ADIPOR1: variants seen among roughly 807,000 people sequenced by gnomAD.
ADIPOR1 encodes the protein adiponectin receptor 1.
ADIPOR1 carries 15 observed loss-of-function variants against 37.5 expected under a neutral mutation model. The ratio of observed to expected loss-of-function variants is 0.40; its 90% CI spans 0.27 to 0.62. The LOEUF is 0.62. Among genes scored for constraint, ADIPOR1 ranks in the 20% least tolerant of loss-of-function variants. The pLI, the probability that ADIPOR1 is intolerant of heterozygous loss-of-function variation, is 0.42. For synonymous variants in ADIPOR1, 173 were observed against 173.2 expected (o/e 1.00, Z 0.01); for missense variants, 286 against 478.0 (o/e 0.60, Z 3.75).
At chr1:202,953,373 A>G (rs1654657346) in intron 1 of ADIPOR1, among the ~76,000 whole-genome samples, 1 of 152,192 alleles carries the variant, frequency 6.6e-6, no homozygotes, top group Non-Finnish European at 1.5e-5. Context: ...AGTAACTTAG[A>G]TCAGGCTACC....
intron 6 of ADIPOR1, 21 bp downstream of exon 6, chr1:202,943,737 T>C: frequency 6.2e-7 from 1 of 1,611,174 alleles, no homozygotes; most frequent in South Asian, 1.1e-5. Flanking sequence ...CTCTGAGGTG[T>C]ACGTACATCT....
At chr1:202,945,200 A>T in intron 4 of ADIPOR1, 31 bp from the exon 5 acceptor site, 8 of 1,545,824 alleles carry the variant, frequency 5.2e-6, no homozygotes, top group Non-Finnish European at 7.0e-6. Context: ...AAAAACCTGT[A>T]AGAAAAAAGG....
At chr1:202,942,678 G>T (rs565983823) in intron 6 of ADIPOR1, among the ~76,000 whole-genome samples, 2 of 152,226 alleles carry the variant, frequency 1.3e-5, no homozygotes, top group East Asian at 3.9e-4. Context: ...TCCTGTAGCT[G>T]CTGGGACACA....
chr1:202,944,824 G>T, intron 5 of ADIPOR1, 159 bp downstream of exon 5: 1 of 641,450 alleles, frequency 1.6e-6, no homozygotes, highest in South Asian at 3.0e-5. Flanking sequence ...TAAGAGAAAA[G>T]CTTCATCACC....
intron 2 of ADIPOR1, among the ~76,000 whole-genome samples, chr1:202,949,448 C>T (rs936881843): frequency 5.3e-5 from 8 of 151,762 alleles, no homozygotes; most frequent in Admixed American, 2.0e-4. Flanking sequence ...GGCGAGGTGG[C>T]GGGCACCTGT....
chr1:202,953,200 A>T (rs989386460), intron 1 of ADIPOR1, among the ~76,000 whole-genome samples: 19 of 152,002 alleles, frequency 1.2e-4, no homozygotes, highest in Admixed American at 7.2e-4. Flanking sequence ...AGTACTACTG[A>T]ATCAGCAGCT....
intron 1 of ADIPOR1, among the ~76,000 whole-genome samples, chr1:202,955,512 C>T (rs1654748625): frequency 6.6e-6 from 1 of 150,960 alleles, no homozygotes; most frequent in African/African-American, 2.4e-5. Flanking sequence ...TGAGCCCTGA[C>T]AGACAGGCAA....
At position 202,943,937 on chromosome 1, in the gene ADIPOR1, T is replaced by C; in HGVS notation, c.626A>G (p.Tyr209Cys). 1 of 1,611,900 alleles carries C rather than the reference T, an allele frequency of 6.2e-7. No homozygotes were observed. Among genetic ancestry groups the C allele is most frequent in the Non-Finnish European group, 8.5e-7 (1 of 1,178,796 alleles). Residue 209 changes from tyrosine to cysteine, a missense_variant, in exon 6 of 8, where the codon TAT becomes TGT. By Grantham distance (194) the Tyr-to-Cys change is radical. Coordinates refer to ENST00000340990, the MANE Select transcript of ADIPOR1 (RefSeq NM_015999.6). ...CATAATTAGAAGAGCAATCCCTGAA[T>C]AGTCCAGTCTAAAAAGAACCACAAA... ...KVSRTFSKLD[Y>C]SGIALLIMGS...
chr1:202,950,266 A>C (rs1654516327), intron 2 of ADIPOR1, among the ~76,000 whole-genome samples: 1 of 151,440 alleles, frequency 6.6e-6, no homozygotes, highest in Non-Finnish European at 1.5e-5. Flanking sequence ...CCCGGCCCTG[A>C]TAGTCCCTTT....
rs978891606 is a variant in ADIPOR1, at chr1:202,949,998, C to T, written c.141+932G>A. 3.8e-4 allele frequency among the ~76,000 whole-genome samples: 58 copies of T among 151,898 alleles called. 1 individual carries two copies. The highest frequency in any genetic ancestry group is 3.9e-4 in the East Asian group (2 of 5,124). Reference sequence around the variant, plus strand: ...GTTTTTTCTGAGAGGGGGTTTCACTCGTTGCCCAGGCTGGAGTGCAATGGC... The same window carrying T: ...GTTTTTTCTGAGAGGGGGTTTCACTTGTTGCCCAGGCTGGAGTGCAATGGC... On this transcript the variant is annotated intron_variant, in intron 2 of 7. Transcript: ENST00000340990.
chr1:202,940,870 C>T lies in ADIPOR1; in HGVS notation c.*703G>A, dbSNP rs1371229953. On this transcript the variant is annotated 3_prime_UTR_variant, in exon 8 of 8. Transcript: ENST00000340990. ...TGTCTTCTGTACTTTCTTTTATTAA[C>T]ATCATAGTCTTTGCATCAAGATACA... 1 of 152,536 alleles carries T rather than the reference C, an allele frequency of 6.6e-6. No individual in the cohort carries two copies. Among genetic ancestry groups the T allele is most frequent in the African/African-American group, 2.4e-5 (1 of 41,418 alleles). The allele number at this position is 152,536 out of a possible 1,614,324, so 9.4% of individuals were successfully genotyped here.
At chr1:202,956,954 T>G (rs16850806) in intron 1 of ADIPOR1, among the ~76,000 whole-genome samples, 3,477 of 152,296 alleles carry the variant, frequency 0.023, 132 homozygotes, top group African/African-American at 0.079. Context: ...TACAATTAGG[T>G]ATAGTTTTGC....
At position 202,958,244 on chromosome 1, in the gene ADIPOR1, G is replaced by A. The variant is rs1654861908; in HGVS notation, c.-154C>T. On this transcript the variant is annotated 5_prime_UTR_variant, in exon 1 of 8. Coordinates refer to ENST00000340990, the MANE Select transcript of ADIPOR1 (RefSeq NM_015999.6). ...CCCCCGCGCTACATCCCGCGGCGCT[G>A]GAGGCGGCCTGCGGCCGAGCGGCCC... is the stretch of plus-strand genomic sequence containing the variant. The A allele has an allele frequency of 6.6e-6, 1 of 151,844 alleles. No homozygotes were observed. The highest frequency in any genetic ancestry group is 6.5e-5 in the Admixed American group (1 of 15,278). 9.4% of individuals were successfully genotyped at this position (151,844 alleles called of 1,614,324 possible). A position where few individuals can be genotyped will look rare whatever the true frequency, so the allele number is the denominator to read the frequency against.
At position 202,943,840 on chromosome 1, in the gene ADIPOR1, G is replaced by A. The variant is rs540762954; in HGVS notation, c.723C>T (p.Ile241=). The A allele has an allele frequency of 3.1e-6, 5 of 1,614,202 alleles. No homozygotes were observed. The highest frequency in any genetic ancestry group is 2.7e-5 in the African/African-American group (2 of 75,054). The change falls in exon 6 of 8, where the codon ATC becomes ATT. Residue 241 remains isoleucine (I), a synonymous_variant. Transcript: ENST00000340990. The part of the protein sequence containing the change: ...SPQPRLIYLS[I]VCVLGISAII... Reference sequence around the variant, plus strand: ...TGGCAGAAATGCCCAGGACACAGACGATGGAGAGGTAGATGAGCCGTGGCT... The same window carrying A: ...TGGCAGAAATGCCCAGGACACAGACAATGGAGAGGTAGATGAGCCGTGGCT...
intron 6 of ADIPOR1, 107 bp from the exon 7 acceptor site, chr1:202,942,325 G>T: frequency 9.4e-7 from 1 of 1,060,944 alleles, no homozygotes; most frequent in Non-Finnish European, 1.3e-6. Context: ...AGCTATTTTT[G>T]GATGAATAGT....
At position 202,953,329 on chromosome 1, in the gene ADIPOR1, C is replaced by T. The variant is rs572657095; in HGVS notation, c.-94-2165G>A. ...TTAGATAAATCTGAAAAGAGGGGCA[C>T]ACTTAGCTTGTTACTTACTAAGTTA... is the stretch of plus-strand genomic sequence containing the variant. On this transcript the variant is annotated intron_variant, in intron 1 of 7. Transcript: ENST00000340990. 2.6e-5 allele frequency among the ~76,000 whole-genome samples: 4 copies of T among 151,404 alleles called. No individual in the cohort carries two copies. The East Asian group carries it at 7.8e-4, about 29-fold the overall frequency.
chr1:202,944,207 T>A (rs1447449884), intron 5 of ADIPOR1: 1 of 343,070 alleles, frequency 2.9e-6, no homozygotes, highest in Non-Finnish European at 5.4e-6. Flanking sequence ...CAGCCGTATC[T>A]CCCATAGTAG....
chr1:202,957,410 T>A (rs1410239388), intron 1 of ADIPOR1, among the ~76,000 whole-genome samples: 2 of 151,976 alleles, frequency 1.3e-5, no homozygotes, highest in Admixed American at 1.3e-4. Context: ...TGAAACGGTG[T>A]AAACTGAAAT....
At chr1:202,953,199 G>A in intron 1 of ADIPOR1, among the ~76,000 whole-genome samples, 1 of 149,160 alleles carries the variant, frequency 6.7e-6, no homozygotes, top group Non-Finnish European at 1.5e-5. Context: ...AAGTACTACT[G>A]AATCAGCAGC....
Sources: allele counts gnomAD v4.1 joint callset (sites outside exome capture counted in the v4.1 genomes callset), GRCh38; gene constraint gnomAD v4.1.1; transcripts MANE v1.5; gene names NCBI Gene and HGNC (gene_info 2026-07-23, HGNC 2026-07-21).